TGFBR3: variants seen among roughly 807,000 people sequenced by gnomAD.
The protein encoded by TGFBR3 is transforming growth factor beta receptor 3, also known as transforming growth factor beta receptor type 3.
In TGFBR3, 46 loss-of-function variants were observed where a neutral mutation model predicts 87.9. The ratio of observed to expected loss-of-function variants is 0.52; its 90% confidence interval spans 0.41 to 0.67. The LOEUF (loss-of-function observed/expected upper bound fraction) is 0.67, where lower values mean the gene tolerates loss of function less well. Among genes scored for constraint, TGFBR3 ranks in the 30% least tolerant of loss-of-function variants. The pLI is 0.00. For synonymous variants in TGFBR3, 381 were observed against 391.6 expected (o/e 0.97, Z 0.32); for missense variants, 866 against 1,041.9 (o/e 0.83, Z 2.32).
intron 2 of TGFBR3, among the ~76,000 whole-genome samples, chr1:91,892,597 T>C (rs1472975579): frequency 1.3e-5 from 2 of 152,176 alleles, no homozygotes; most frequent in South Asian, 2.1e-4. Context: ...GTGAGTCCTT[T>C]AGTCAAATGA....
At chr1:91,699,431 C>CTTTTTTTTTTTTTTTTTTTTTT (rs60223260) in intron 14 of TGFBR3, among the ~76,000 whole-genome samples, 3 of 80,840 alleles carry the variant, frequency 3.7e-5, no homozygotes, top group African/African-American at 1.0e-4. Context: ...CTTTCTTTTG[C>CTTTTTTTTTTTTTTTTTTTTTT]TTTTTTTTTT....
chr1:91,749,800 C>T (rs1673473312), intron 4 of TGFBR3, among the ~76,000 whole-genome samples: 1 of 152,164 alleles, frequency 6.6e-6, no homozygotes, highest in Non-Finnish European at 1.5e-5. Flanking sequence ...TTTCTTTCCC[C>T]TCCTATTACA....
At position 91,722,157 on chromosome 1, in the gene TGFBR3, C is replaced by CA. The variant is rs758623243; in HGVS notation, c.886-14dup. 14 of 1,610,556 alleles carry CA rather than the reference C, an allele frequency of 8.7e-6. No individual in the cohort carries two copies. The highest frequency in any genetic ancestry group is 2.2e-5 in the East Asian group (1 of 44,752). On this transcript the variant is annotated splice_polypyrimidine_tract_variant and intron_variant, in intron 7 of 16. Coordinates refer to ENST00000212355, the MANE Select transcript of TGFBR3 (RefSeq NM_003243.5). ...TACTGTTAGGAGCCTGAAGATATAGCAAAAAAATCACTCATGAGTCTAAAA... is the reference window on the plus strand; with the variant it reads ...TACTGTTAGGAGCCTGAAGATATAGCAAAAAAAATCACTCATGAGTCTAAAA...
At chr1:91,755,997 T>C (rs1673728082) in intron 4 of TGFBR3, among the ~76,000 whole-genome samples, 1 of 152,224 alleles carries the variant, frequency 6.6e-6, no homozygotes, top group Non-Finnish European at 1.5e-5. Context: ...ATTTTATATG[T>C]GATCTCACTT....
chr1:91,828,295 C>T (rs1324250002), intron 2 of TGFBR3, among the ~76,000 whole-genome samples: 2 of 152,228 alleles, frequency 1.3e-5, no homozygotes, highest in Admixed American at 6.5e-5. Context: ...CCTAACTCCA[C>T]ACCCCCGTCA....
intron 2 of TGFBR3, among the ~76,000 whole-genome samples, chr1:91,828,589 T>C (rs1428842270): frequency 1.3e-5 from 2 of 152,102 alleles, no homozygotes; most frequent in African/African-American, 2.4e-5. Flanking sequence ...CCCCCGAAAC[T>C]GTAGTTGCCT....
intron 2 of TGFBR3, among the ~76,000 whole-genome samples, chr1:91,852,957 C>T (rs1677796183): frequency 6.6e-6 from 1 of 151,800 alleles, no homozygotes; most frequent in Admixed American, 6.6e-5. Context: ...GAGTTCCAAA[C>T]CAGCCTGGGC....
At chr1:91,838,819 T>C (rs1302201536) in intron 2 of TGFBR3, among the ~76,000 whole-genome samples, 3 of 152,190 alleles carry the variant, frequency 2.0e-5, no homozygotes, top group Non-Finnish European at 4.4e-5. Context: ...AGCAAATCTC[T>C]TTAAATGTCT....
intron 14 of TGFBR3, among the ~76,000 whole-genome samples, chr1:91,699,431 C>CTTTTTTTTTTTTTTTTTTTTTTTTTT (rs60223260): frequency 1.2e-5 from 1 of 80,846 alleles, no homozygotes; most frequent in African/African-American, 5.1e-5. Context: ...CTTTCTTTTG[C>CTTTTTTTTTTTTTTTTTTTTTTTTTT]TTTTTTTTTT....
chr1:91,772,444 T>G (rs1361711252), intron 3 of TGFBR3, among the ~76,000 whole-genome samples: 1 of 152,112 alleles, frequency 6.6e-6, no homozygotes, highest in Non-Finnish European at 1.5e-5. Flanking sequence ...ACCCTAAATC[T>G]CCTAGACTTG....
intron 2 of TGFBR3, among the ~76,000 whole-genome samples, chr1:91,819,255 C>T (rs1486416013): frequency 6.6e-6 from 1 of 152,094 alleles, no homozygotes; most frequent in African/African-American, 2.4e-5. Flanking sequence ...GTAATCCCAG[C>T]TACCTAGGAG....
At chr1:91,850,075 C>A (rs1345319871) in intron 2 of TGFBR3, among the ~76,000 whole-genome samples, 1 of 83,420 alleles carries the variant, frequency 1.2e-5, no homozygotes, top group Non-Finnish European at 2.1e-5. Context: ...AGCAAGACTC[C>A]ATCTCAAAAA....
chr1:91,818,009 T>A (rs1676296157), intron 2 of TGFBR3, among the ~76,000 whole-genome samples: 2 of 152,110 alleles, frequency 1.3e-5, no homozygotes, highest in African/African-American at 4.8e-5. Context: ...TTAGAGTATA[T>A]AAATTTTTAT....
At chr1:91,707,363 A>T (rs1671831503) in intron 14 of TGFBR3, among the ~76,000 whole-genome samples, 1 of 152,258 alleles carries the variant, frequency 6.6e-6, no homozygotes, top group African/African-American at 2.4e-5. Context: ...GGAATGGCAC[A>T]GCTGTTTTCA....
rs1336418146 is a variant in TGFBR3 at position 91,885,955 on chromosome 1, C to G, written c.-191G>C. The G allele has an allele frequency of 6.6e-6, 3 of 451,208 alleles. No individual in the cohort carries two copies. In the East Asian group the frequency reaches 2.1e-4, roughly 32 times the overall value. The allele number at this position is 451,208 out of a possible 1,614,324, so 28.0% of individuals were successfully genotyped here. A position where few individuals can be genotyped will look rare whatever the true frequency, so the allele number is the denominator to read the frequency against. On this transcript the variant is annotated 5_prime_UTR_variant, in exon 1 of 17. Coordinates refer to ENST00000212355, the MANE Select transcript of TGFBR3 (RefSeq NM_003243.5). ...CGGCGGCAAGTTTCCCCGCCCAGCG[C>G]TCGGCGGCGGCGAGCTCCGGCAGCT...
chr1:91,707,199 A>C (rs1199282023), intron 14 of TGFBR3, among the ~76,000 whole-genome samples: 2 of 152,186 alleles, frequency 1.3e-5, no homozygotes, highest in Non-Finnish European at 2.9e-5. Flanking sequence ...GGGGTTCTCC[A>C]ATGTCCCACA....
intron 2 of TGFBR3, among the ~76,000 whole-genome samples, chr1:91,822,293 T>TAAAA (rs71087974): frequency 1.1e-5 from 1 of 93,338 alleles, no homozygotes; most frequent in African/African-American, 5.2e-5. Flanking sequence ...AGCAAAGCAT[T>TAAAA]AAAAAAAAAA....
rs772684078 is a variant in TGFBR3 at position 91,720,183 on chromosome 1, G to A, written c.1123C>T (p.Arg375Trp). 1.5e-5 allele frequency: 24 copies of A among 1,612,236 alleles called. No individual in the cohort carries two copies. In the Admixed American group the frequency reaches 1.8e-4, roughly 12 times the overall value. The change falls in exon 9 of 17, where the codon CGG becomes TGG. Residue 375 changes from arginine (R) to tryptophan (W), a missense_variant. Coordinates refer to ENST00000212355, the MANE Select transcript of TGFBR3 (RefSeq NM_003243.5). ...EEVHTIPPELRILLDPGALPA... is the reference protein window; with the variant it reads ...EEVHTIPPELWILLDPGALPA... ...AGGGCACCAGGGTCCAGCAGGATCCGTAGCTCAGGAGGAATAGTGTGGACT... is the reference window on the plus strand; with the variant it reads ...AGGGCACCAGGGTCCAGCAGGATCCATAGCTCAGGAGGAATAGTGTGGACT...
chr1:91,861,803 T>C lies in TGFBR3; in HGVS notation c.-113-159A>G, dbSNP rs1571582720. On this transcript the variant is annotated intron_variant, in intron 1 of 16. Transcript: ENST00000212355. The stretch of plus-strand genomic sequence containing the variant: ...CAAACTAGACTGAGGGCAGTGACTA[T>C]CTAATAAAGATTTTTATAGCAAATA... 4 of 450,426 alleles carry C rather than the reference T, an allele frequency of 8.9e-6. No homozygotes were observed. The East Asian group carries it at 1.8e-4, about 20-fold the overall frequency. The allele number at this position is 450,426 out of a possible 1,614,324, so 27.9% of individuals were successfully genotyped here. A position where few individuals can be genotyped will look rare whatever the true frequency, so the allele number is the denominator to read the frequency against.
Sources: gnomAD v4.1 joint callset for allele counts (sites outside exome capture counted in the v4.1 genomes callset) on GRCh38, gnomAD v4.1.1 for gene constraint, MANE v1.5 for transcripts, NCBI Gene and HGNC (gene_info 2026-07-23, HGNC 2026-07-21) for gene names.